The following UMODL1 variants were observed in gnomAD, a reference collection of about 807,000 sequenced individuals.
UMODL1 encodes uromodulin like 1.
A neutral mutation model predicts 136.3 loss-of-function variants in UMODL1; 128 were observed. That is an observed-to-expected ratio of 0.94 (90% CI 0.81 to 1.09). The LOEUF is 1.09. Among genes scored for constraint, UMODL1 ranks in the 50% least tolerant of loss-of-function variants. The probability of loss-of-function intolerance (pLI) is 0.00; values close to 1 mark genes in which losing one functional copy is unlikely to be tolerated. For synonymous variants in UMODL1, 721 were observed against 720.0 expected, an observed-to-expected ratio of 1.00 and a Z score of -0.02; for missense variants, 1,766 against 1,725.6, an observed-to-expected ratio of 1.02 and a Z score of -0.41.
chr21:42,113,608 G>A lies in UMODL1; in HGVS notation c.2140G>A (p.Val714Met). Reference sequence around the variant, plus strand: ...CATTGGGAGGATCATGGTCTCCAATGTGACCAGCACCGGCTTCCACCTGGC... The same window carrying A: ...CATTGGGAGGATCATGGTCTCCAATATGACCAGCACCGGCTTCCACCTGGC... ...VSIGRIMVSNVTSTGFHLAWE... is the reference protein window; with the variant it reads ...VSIGRIMVSNMTSTGFHLAWE... Residue 714 changes from valine to methionine, a missense_variant, in exon 13 of 23, where the codon GTG (valine) becomes ATG (methionine). Coordinates refer to ENST00000408910, the MANE Select transcript of UMODL1 (RefSeq NM_001004416.3). The A allele has an allele frequency of 6.2e-7, 1 of 1,614,072 alleles. No homozygotes were observed. Among genetic ancestry groups the A allele is most frequent in the Non-Finnish European group, 8.5e-7 (1 of 1,180,016 alleles).
chr21:42,130,724 G>C (rs1282149073), intron 21 of UMODL1, among the ~76,000 whole-genome samples: 1 of 151,996 alleles, frequency 6.6e-6, no homozygotes, highest in Non-Finnish European at 1.5e-5. Context: ...CTTCTTTAGG[G>C]CTGTGGGGCC....
At chr21:42,100,456 G>A (rs1472545329) in intron 7 of UMODL1, among the ~76,000 whole-genome samples, 4 of 151,842 alleles carry the variant, frequency 2.6e-5, no homozygotes, top group South Asian at 2.1e-4. Flanking sequence ...CAGCCAGCAC[G>A]GGCATCCAGA....
intron 9 of UMODL1, among the ~76,000 whole-genome samples, chr21:42,109,105 T>C (rs1277618454): frequency 8.1e-6 from 1 of 123,106 alleles, no homozygotes; most frequent in African/African-American, 3.2e-5. Context: ...CGTGGAAAGC[T>C]GGTGTTATAC....
Position 42,071,683 on chromosome 21 carries a change from G to C in UMODL1, c.76+291G>C, listed in dbSNP as rs143511869. Among the ~76,000 whole-genome samples, 530 of 152,150 alleles carry C rather than the reference G, an allele frequency of 3.5e-3. 1 individual carries two copies. Among genetic ancestry groups the C allele is most frequent in the African/African-American group, 0.012 (503 of 41,494 alleles). ...TAAAATGCAGATTCTTAGCCAGCAG[G>C]TCTGGGGTGCAGGGCCTGGAACTCT... On this transcript the variant is annotated intron_variant, in intron 1 of 22. Coordinates refer to ENST00000408910, the MANE Select transcript of UMODL1 (RefSeq NM_001004416.3).
upstream of UMODL1, among the ~76,000 whole-genome samples, chr21:42,069,075 T>C (rs1180098251): frequency 6.6e-6 from 1 of 152,224 alleles, no homozygotes; most frequent in Non-Finnish European, 1.5e-5. Context: ...TGGAGAATTC[T>C]CTCCCTGGTG....
chr21:42,108,845 G>A (rs2066763674), intron 9 of UMODL1, among the ~76,000 whole-genome samples: 2 of 152,078 alleles, frequency 1.3e-5, no homozygotes, highest in Admixed American at 1.3e-4. Flanking sequence ...GGCGCGGGAA[G>A]TTCATGTTGT....
Position 42,127,163 on chromosome 21 carries a change from A to G in UMODL1, c.3451A>G (p.Lys1151Glu). 9 of 1,614,090 alleles carry G rather than the reference A, an allele frequency of 5.6e-6. No individual in the cohort carries two copies. Among genetic ancestry groups the G allele is most frequent in the Non-Finnish European group, 6.8e-6 (8 of 1,180,006 alleles). ...VGLYRQKSNL[K>E]VVLTECWATP... The stretch of plus-strand genomic sequence containing the variant: ...GCTCTACAGGCAGAAAAGCAACCTC[A>G]AGGTGGTCCTGACGGAGTGCTGGGC... The change falls in exon 19 of 23, where the codon AAG (lysine) becomes GAG (glutamate). Residue 1151 changes from lysine (K) to glutamate (E), a missense_variant. Coordinates refer to ENST00000408910, the MANE Select transcript of UMODL1 (RefSeq NM_001004416.3).
rs1312965425 is a variant in UMODL1 at position 42,103,921 on chromosome 21, GAGAA to G, written c.1354_1357del (p.Arg452CysfsTer13). 3.7e-6 allele frequency: 6 copies of G among 1,614,086 alleles called. No homozygotes were observed. The highest frequency in any genetic ancestry group is 5.1e-6 in the Non-Finnish European group (6 of 1,180,046). On this transcript the variant is annotated frameshift_variant, in exon 9 of 23. Coordinates refer to ENST00000408910, the MANE Select transcript of UMODL1 (RefSeq NM_001004416.3). LOFTEE classifies it high-confidence loss of function. The stretch of plus-strand genomic sequence containing the variant: ...CTGACTTGTACCGAAGTGGGAAGCT[GAGAA>G]TGCAGATCGTGTCTCTCCAGGCGGG...
chr21:42,142,771 C>T lies in UMODL1; in HGVS notation c.*697C>T, dbSNP rs1278823340. 2.0e-5 allele frequency: 3 copies of T among 152,162 alleles called. No homozygotes were observed. The highest frequency in any genetic ancestry group is 6.5e-5 in the Admixed American group (1 of 15,280). 9.4% of individuals were successfully genotyped at this position (152,162 alleles called of 1,614,324 possible). ...ACATTTTTCTAAGCATTTTCACAGC[C>T]GTTTCTTCATATAATCCGACCACAG... On this transcript the variant is annotated 3_prime_UTR_variant, in exon 23 of 23. Coordinates refer to ENST00000408910, the MANE Select transcript of UMODL1 (RefSeq NM_001004416.3).
At chr21:42,121,671 C>T (rs1178934215) in intron 16 of UMODL1, among the ~76,000 whole-genome samples, 2 of 152,190 alleles carry the variant, frequency 1.3e-5, no homozygotes, top group South Asian at 2.1e-4. Context: ...ACTGACCCCA[C>T]GTTGGCCACT....
chr21:42,086,111 G>T (rs149257587), intron 4 of UMODL1, among the ~76,000 whole-genome samples: 1 of 152,292 alleles, frequency 6.6e-6, no homozygotes, highest in East Asian at 1.9e-4. Context: ...AGGGCGCTGC[G>T]TGTCCCCAAG....
chr21:42,073,438 C>G (rs1053581791), intron 1 of UMODL1, among the ~76,000 whole-genome samples: 1 of 152,212 alleles, frequency 6.6e-6, no homozygotes, highest in South Asian at 2.1e-4. Context: ...ACTGGTGATG[C>G]CAAGCAGCAG....
intron 7 of UMODL1, among the ~76,000 whole-genome samples, chr21:42,101,207 G>C (rs911618138): frequency 6.6e-6 from 1 of 151,862 alleles, no homozygotes; most frequent in Non-Finnish European, 1.5e-5. Flanking sequence ...CAGGTGTTAC[G>C]GTGGCAGCGG....
intron 2 of UMODL1, 46 bp from the exon 3 acceptor site, chr21:42,084,038 T>A: frequency 6.3e-7 from 1 of 1,597,868 alleles, no homozygotes; most frequent in Non-Finnish European, 8.6e-7. Context: ...GCAAATCAGG[T>A]TTGTCTTTTA....
chr21:42,106,678 G>A (rs185375882), intron 9 of UMODL1, among the ~76,000 whole-genome samples: 3 of 152,334 alleles, frequency 2.0e-5, no homozygotes, highest in East Asian at 3.9e-4. Flanking sequence ...GCCGCCCCCC[G>A]CGCCTATGAG....
intron 15 of UMODL1, 63 bp from the exon 16 acceptor site, chr21:42,121,024 G>C: frequency 6.4e-7 from 1 of 1,562,322 alleles, no homozygotes; most frequent in Non-Finnish European, 8.7e-7. Flanking sequence ...CCCCAACCAG[G>C]CTGCTGTGAG....
At chr21:42,130,400 T>A (rs1436453466) in intron 21 of UMODL1, among the ~76,000 whole-genome samples, 1 of 152,218 alleles carries the variant, frequency 6.6e-6, no homozygotes, top group Non-Finnish European at 1.5e-5. Context: ...AAAAACATTT[T>A]ATTTTCTATA....
intron 14 of UMODL1, among the ~76,000 whole-genome samples, chr21:42,116,412 G>A (rs1349772428): frequency 1.3e-5 from 2 of 151,776 alleles, no homozygotes; most frequent in Non-Finnish European, 2.9e-5. Context: ...TAGGTCCTAT[G>A]AGCTCCTCAT....
In UMODL1 at chr21:42,085,157, T is replaced by C. The variant is rs2066410946; in HGVS notation, c.482-134T>C. ...CCCGTCTCCTGTGGTAGATGTCTTT[T>C]TGCAGGGAGGTAAATGCAGAGCAGG... On this transcript the variant is annotated intron_variant, in intron 3 of 22. Coordinates refer to ENST00000408910, the MANE Select transcript of UMODL1 (RefSeq NM_001004416.3). This position sits in a 1 kb window ranked among gnomAD's most constrained non-coding sequence, Gnocchi z 4.5. 10 of 1,152,174 alleles carry C rather than the reference T, an allele frequency of 8.7e-6. No individual in the cohort carries two copies. The South Asian group carries it at 1.4e-4, about 16-fold the overall frequency. The allele number at this position is 1,152,174 out of a possible 1,614,324, so 71.4% of individuals were successfully genotyped here. A position where few individuals can be genotyped will look rare whatever the true frequency, so the allele number is the denominator to read the frequency against.
Sources: gnomAD v4.1 joint callset for allele counts (sites outside exome capture counted in the v4.1 genomes callset) on GRCh38, gnomAD v4.1.1 for gene constraint, Gnocchi (gnomAD v3.1) non-coding constraint, MANE v1.5 for transcripts, NCBI Gene and HGNC (gene_info 2026-07-23, HGNC 2026-07-21) for gene names.